PDSS2: variants seen among roughly 807,000 people sequenced by gnomAD.
PDSS2 encodes the protein decaprenyl diphosphate synthase subunit 2.
PDSS2 carries 31 observed loss-of-function variants against 44.5 expected under a neutral mutation model. The ratio of observed to expected loss-of-function variants is 0.70; its 90% CI spans 0.52 to 0.94. The LOEUF is 0.94. PDSS2 is among the 40% of genes least tolerant of loss of function. PDSS2 has a pLI of 0.00. For synonymous variants in PDSS2, 157 were observed against 180.3 expected, an observed-to-expected ratio of 0.87 and a Z score of 1.03; for missense variants, 452 against 482.2, an observed-to-expected ratio of 0.94 and a Z score of 0.59.
chr6:107,294,862 T>A (rs940440603), intron 2 of PDSS2, among the ~76,000 whole-genome samples: 2 of 151,084 alleles, frequency 1.3e-5, no homozygotes, highest in Non-Finnish European at 2.9e-5. Flanking sequence ...AAAGAAACAA[T>A]TTTTTTTTGT....
intron 6 of PDSS2, among the ~76,000 whole-genome samples, chr6:107,207,251 C>T (rs1464934029): frequency 2.0e-5 from 3 of 152,100 alleles, no homozygotes; most frequent in Non-Finnish European, 4.4e-5. Flanking sequence ...CTCGGCCTCC[C>T]AAAGTGCTGG....
rs1464295287 is a variant in PDSS2, at chr6:107,334,315, C to A, written c.314G>T (p.Ser105Ile). 3.7e-6 allele frequency: 6 copies of A among 1,613,454 alleles called. No homozygotes were observed. The highest frequency in any genetic ancestry group is 5.1e-6 in the Non-Finnish European group (6 of 1,179,674). Residue 105 changes from serine to isoleucine, a missense_variant, in exon 2 of 8, where the codon AGC (serine) becomes ATC (isoleucine). Physicochemically the swap from Ser to Ile is moderately radical, Grantham distance 142. Coordinates refer to ENST00000369037, the MANE Select transcript of PDSS2 (RefSeq NM_020381.4). ...LTTARGLVHD[S>I]WNSLQLRGLV... ...GCCCCTCAACTGGAGGCTATTCCAG[C>A]TGTCATGTACAAGCCCCCTGCCAAC... is the stretch of plus-strand genomic sequence containing the variant.
At chr6:107,299,859 C>G (rs890861867) in intron 2 of PDSS2, among the ~76,000 whole-genome samples, 1 of 152,132 alleles carries the variant, frequency 6.6e-6, no homozygotes, top group Non-Finnish European at 1.5e-5. Context: ...CTTACTTCAC[C>G]CATACCAGTA....
chr6:107,275,741 G>A (rs375408242), intron 2 of PDSS2, among the ~76,000 whole-genome samples: 1 of 152,252 alleles, frequency 6.6e-6, no homozygotes, highest in East Asian at 1.9e-4. Flanking sequence ...AGGCTAGGAG[G>A]CAAAGGCTGA....
At chr6:107,159,927 A>C (rs906388490) in intron 7 of PDSS2, among the ~76,000 whole-genome samples, 2 of 152,072 alleles carry the variant, frequency 1.3e-5, no homozygotes, top group Non-Finnish European at 2.9e-5. Flanking sequence ...AGAGTTAATT[A>C]AGGGATGGCT....
intron 4 of PDSS2, among the ~76,000 whole-genome samples, chr6:107,218,259 A>G (rs1402114315): frequency 6.6e-6 from 1 of 152,178 alleles, no homozygotes; most frequent in Non-Finnish European, 1.5e-5. Flanking sequence ...CCCAACTGCC[A>G]GGGTGACCTT....
At chr6:107,336,818 GGTGTGTGGTGT>G (rs1777907791) in intron 1 of PDSS2, among the ~76,000 whole-genome samples, 2 of 141,890 alleles carry the variant, frequency 1.4e-5, no homozygotes, top group Non-Finnish European at 3.0e-5. Flanking sequence ...AAGAAAAAGA[GGTGTGTGGTGT>G]GTGTGTGTGT....
At chr6:107,374,518 C>G (rs1456563649) in intron 1 of PDSS2, among the ~76,000 whole-genome samples, 2 of 152,146 alleles carry the variant, frequency 1.3e-5, no homozygotes, top group African/African-American at 4.8e-5. Flanking sequence ...CCAGCTGTTA[C>G]CAAATCCATG....
intron 1 of PDSS2, among the ~76,000 whole-genome samples, chr6:107,402,841 C>T (rs1007404678): frequency 2.0e-5 from 3 of 151,902 alleles, no homozygotes; most frequent in Non-Finnish European, 2.9e-5. Context: ...CAATTATCTC[C>T]CCACCAGGTC....
chr6:107,333,686 C>T (rs1285341048), intron 2 of PDSS2, among the ~76,000 whole-genome samples: 1 of 152,156 alleles, frequency 6.6e-6, no homozygotes, highest in Non-Finnish European at 1.5e-5. Context: ...CAGGCACATA[C>T]CACCACAACT....
chr6:107,212,955 T>A (rs1773277517), intron 4 of PDSS2, among the ~76,000 whole-genome samples: 2 of 151,944 alleles, frequency 1.3e-5, no homozygotes, highest in South Asian at 4.1e-4. Context: ...AAGTAAGCTA[T>A]GATTGCACCA....
chr6:107,448,295 A>G (rs1194981038), intron 1 of PDSS2, among the ~76,000 whole-genome samples: 1 of 152,168 alleles, frequency 6.6e-6, no homozygotes, highest in African/African-American at 2.4e-5. Flanking sequence ...CTTTTCTATT[A>G]CAATGTCAGG....
intron 1 of PDSS2, among the ~76,000 whole-genome samples, chr6:107,416,754 C>T (rs1399796945): frequency 2.6e-5 from 4 of 152,016 alleles, no homozygotes; most frequent in East Asian, 1.9e-4. Flanking sequence ...TCACAAGTCC[C>T]GAAACTTCTT....
chr6:107,449,394 T>G (rs963411316), intron 1 of PDSS2, among the ~76,000 whole-genome samples: 2 of 152,212 alleles, frequency 1.3e-5, no homozygotes, highest in African/African-American at 4.8e-5. Flanking sequence ...TCTCCAGAAC[T>G]TTTTATCTTG....
chr6:107,451,803 C>G (rs532110156), intron 1 of PDSS2, among the ~76,000 whole-genome samples: 184 of 152,272 alleles, frequency 1.2e-3, no homozygotes, highest in Non-Finnish European at 1.2e-3. Context: ...CGCTGGCCCT[C>G]TGGACACACC....
intron 6 of PDSS2, among the ~76,000 whole-genome samples, chr6:107,204,462 G>C (rs1231610090): frequency 2.6e-5 from 4 of 152,088 alleles, no homozygotes; most frequent in Admixed American, 6.6e-5. Flanking sequence ...TTTAAATATA[G>C]TTATTACTAT....
At chr6:107,168,882 C>T (rs1178159609) in intron 7 of PDSS2, among the ~76,000 whole-genome samples, 1 of 152,056 alleles carries the variant, frequency 6.6e-6, no homozygotes, top group East Asian at 1.9e-4. Flanking sequence ...GTGGGTAACC[C>T]GACCTTTCTC....
intron 4 of PDSS2, among the ~76,000 whole-genome samples, chr6:107,235,970 T>C (rs952536295): frequency 1.1e-4 from 17 of 151,998 alleles, no homozygotes; most frequent in Admixed American, 9.8e-4. Flanking sequence ...CAGCCTACTA[T>C]GTAATTGAGG....
rs1207669113 is a variant in PDSS2 at position 107,264,199 on chromosome 6, C to T, written c.630+9830G>A. Reference sequence around the variant, plus strand: ...GACAAACACAAATAGACAATAGCATCTTTATTAAACTATATAGATGGTGTA... The same window carrying T: ...GACAAACACAAATAGACAATAGCATTTTTATTAAACTATATAGATGGTGTA... On this transcript the variant is annotated intron_variant, in intron 3 of 7. Coordinates refer to ENST00000369037, the MANE Select transcript of PDSS2 (RefSeq NM_020381.4). 3 of 1,061,328 alleles carry T rather than the reference C, an allele frequency of 2.8e-6. No homozygotes were observed. The African/African-American group carries it at 4.9e-5, about 17-fold the overall frequency. 65.7% of individuals were successfully genotyped at this position (1,061,328 alleles called of 1,614,324 possible).
Sources: gnomAD v4.1 joint callset for allele counts (sites outside exome capture counted in the v4.1 genomes callset) on GRCh38, gnomAD v4.1.1 for gene constraint, MANE v1.5 for transcripts, NCBI Gene and HGNC (gene_info 2026-07-23, HGNC 2026-07-21) for gene names.